Variants in CADM2 observed in about 807,000 individuals in gnomAD.
The protein encoded by CADM2 is immunoglobulin superfamily member 4D.
A neutral mutation model predicts 49.8 loss-of-function variants in CADM2; 12 were observed. The observed-to-expected ratio is 0.24, with a 90% CI of 0.15 to 0.39. The LOEUF is 0.39. Among genes scored for constraint, CADM2 ranks in the 10% least tolerant of loss-of-function variants. The pLI is 1.00. For missense variants in CADM2, 378 were observed against 492.3 expected (o/e 0.77, Z 2.20); for synonymous variants, 214 against 175.4 (o/e 1.22, Z -1.74).
intron 1 of CADM2, among the ~76,000 whole-genome samples, chr3:85,005,640 A>G (rs560495614): frequency 4.6e-5 from 7 of 152,006 alleles, no homozygotes; most frequent in Admixed American, 1.3e-4. Flanking sequence ...ACGTGCAGAG[A>G]TGGAATAACG....
intron 8 of CADM2, chr3:86,013,859 G>C: frequency 6.3e-7 from 1 of 1,593,990 alleles, no homozygotes; most frequent in Non-Finnish European, 8.6e-7. Context: ...CTTCCAAAAT[G>C]AAAGTTGTTG....
At chr3:85,936,665 G>T (rs1375211130) in intron 7 of CADM2, among the ~76,000 whole-genome samples, 1 of 151,618 alleles carries the variant, frequency 6.6e-6, no homozygotes, top group Non-Finnish European at 1.5e-5. Context: ...ATATGAGATT[G>T]CTTCTGGCAA....
intron 1 of CADM2, among the ~76,000 whole-genome samples, chr3:85,471,146 C>CT (rs1355566066): frequency 6.6e-6 from 1 of 152,060 alleles, no homozygotes; most frequent in Non-Finnish European, 1.5e-5. Context: ...TAAAAGTGAG[C>CT]ATTCCAAGAT....
chr3:85,599,645 A>G (rs573539992), intron 1 of CADM2, among the ~76,000 whole-genome samples: 1 of 151,886 alleles, frequency 6.6e-6, no homozygotes, highest in East Asian at 2.0e-4. Context: ...TTCTGTTAAA[A>G]TTATATCCCC....
chr3:85,886,159 A>C (rs540602971), intron 4 of CADM2, 31 bp from the exon 5 acceptor site: 1 of 1,609,458 alleles, frequency 6.2e-7, no homozygotes, highest in Non-Finnish European at 8.5e-7. Context: ...CTGAAGATTG[A>C]TGCTCACTTC....
intron 1 of CADM2, among the ~76,000 whole-genome samples, chr3:85,681,381 C>G (rs2066035604): frequency 6.6e-6 from 1 of 152,096 alleles, no homozygotes; most frequent in African/African-American, 2.4e-5. Context: ...TTGGAAATCA[C>G]TTTCTGCTTA....
intron 8 of CADM2, among the ~76,000 whole-genome samples, chr3:85,989,531 A>G (rs1014661678): frequency 6.6e-6 from 1 of 152,212 alleles, no homozygotes; most frequent in African/African-American, 2.4e-5. Context: ...CAGAGAAGTC[A>G]GCATTCTAGA....
At chr3:85,812,036 T>A (rs1215519799) in intron 3 of CADM2, among the ~76,000 whole-genome samples, 6 of 152,114 alleles carry the variant, frequency 3.9e-5, no homozygotes, top group Non-Finnish European at 8.8e-5. Flanking sequence ...AAAATATTGC[T>A]ATGCCCTGGG....
chr3:85,406,071 A>G (rs1361483102), intron 1 of CADM2, among the ~76,000 whole-genome samples: 1 of 152,068 alleles, frequency 6.6e-6, no homozygotes, highest in East Asian at 1.9e-4. Flanking sequence ...TGGATTATAA[A>G]AATCACTTTC....
chr3:85,341,274 G>C (rs72903261), intron 1 of CADM2, among the ~76,000 whole-genome samples: 10,730 of 151,710 alleles, frequency 0.071, 717 homozygotes, highest in African/African-American at 0.17. Context: ...ACTAAAGAGA[G>C]AAATAAGGAG....
chr3:85,948,921 AT>A (rs963533759), intron 7 of CADM2, among the ~76,000 whole-genome samples: 7 of 151,408 alleles, frequency 4.6e-5, no homozygotes, highest in African/African-American at 1.7e-4. Context: ...ATAAGACTTT[AT>A]AAAGACGGAT....
intron 1 of CADM2, among the ~76,000 whole-genome samples, chr3:85,713,080 T>G (rs2067164332): frequency 6.6e-6 from 1 of 152,172 alleles, no homozygotes. Context: ...ATTTATCTCT[T>G]AAAACAGTGT....
chr3:85,684,119 G>A (rs1453789239), intron 1 of CADM2, among the ~76,000 whole-genome samples: 2 of 152,186 alleles, frequency 1.3e-5, no homozygotes, highest in East Asian at 3.8e-4. Flanking sequence ...CATATGATAT[G>A]TCTTAATATT....
intron 7 of CADM2, among the ~76,000 whole-genome samples, chr3:85,951,563 T>C (rs904353654): frequency 6.6e-6 from 1 of 150,952 alleles, no homozygotes; most frequent in Non-Finnish European, 1.5e-5. Flanking sequence ...GTTAAACAGC[T>C]CTGGGACGGA....
At chr3:85,431,163 G>A (rs1484612316) in intron 1 of CADM2, among the ~76,000 whole-genome samples, 1 of 152,056 alleles carries the variant, frequency 6.6e-6, no homozygotes, top group East Asian at 1.9e-4. Context: ...TCGCAGGTTT[G>A]TACCTAGAAG....
At chr3:85,764,544 A>C (rs975653384) in intron 2 of CADM2, among the ~76,000 whole-genome samples, 7 of 152,116 alleles carry the variant, frequency 4.6e-5, no homozygotes, top group African/African-American at 1.7e-4. Context: ...TTTAGCACCA[A>C]GGAGTATTTG....
intron 3 of CADM2, among the ~76,000 whole-genome samples, chr3:85,821,868 C>A (rs1207224180): frequency 6.6e-6 from 1 of 151,956 alleles, no homozygotes; most frequent in Non-Finnish European, 1.5e-5. Flanking sequence ...TTAGGTTCTG[C>A]AAATATAACA....
intron 1 of CADM2, among the ~76,000 whole-genome samples, chr3:85,533,613 C>A (rs1390051513): frequency 1.3e-5 from 2 of 152,148 alleles, no homozygotes; most frequent in African/African-American, 4.8e-5. Flanking sequence ...CAAATAGAAT[C>A]ATGGTGACTG....
At chr3:85,811,857 G>GTTTT (rs754800114) in intron 3 of CADM2, among the ~76,000 whole-genome samples, 6 of 115,438 alleles carry the variant, frequency 5.2e-5, no homozygotes, top group African/African-American at 9.6e-5. Flanking sequence ...ATGCCTTGAT[G>GTTTT]TTTTTTTTTT....
Sources: gnomAD v4.1 joint callset for allele counts (sites outside exome capture counted in the v4.1 genomes callset) on GRCh38, gnomAD v4.1.1 for gene constraint, MANE v1.5 for transcripts, NCBI Gene and HGNC (gene_info 2026-07-23, HGNC 2026-07-21) for gene names.